The following ACTR3C variants were observed in gnomAD, a reference collection of about 807,000 sequenced individuals.
The protein encoded by ACTR3C is actin related protein 3C, also known as actin-related protein 3C.
ACTR3C carries 18 observed loss-of-function variants against 26.3 expected under a neutral mutation model. That is an observed-to-expected ratio of 0.68 (90% CI 0.47 to 1.01). The LOEUF is 1.01. ACTR3C is among the 50% of genes least tolerant of loss of function. The probability of loss-of-function intolerance (pLI) is 0.00; values close to 1 mark genes in which losing one functional copy is unlikely to be tolerated. For synonymous variants in ACTR3C, 55 were observed against 94.5 expected, an observed-to-expected ratio of 0.58 and a Z score of 2.42; for missense variants, 184 against 250.7, an observed-to-expected ratio of 0.73 and a Z score of 1.80.
chr7:150,070,042 T>C, the ACTR3C span, among the ~76,000 whole-genome samples: 1 of 152,112 alleles, frequency 6.6e-6, no homozygotes, highest in Non-Finnish European at 1.5e-5. Context: ...GAGGTCCAGG[T>C]CTGTCACGTG....
intron 3 of ACTR3C, among the ~76,000 whole-genome samples, chr7:150,291,730 C>A (rs1016596437): frequency 2.6e-5 from 4 of 151,784 alleles, no homozygotes; most frequent in African/African-American, 9.7e-5. Flanking sequence ...CTACGGGGGC[C>A]TCATCTTGGA....
chr7:149,891,458 A>T, the ACTR3C span: 3 of 554,554 alleles, frequency 5.4e-6, no homozygotes, highest in Admixed American at 3.5e-5. Context: ...GCATTTGGAA[A>T]AAAAAGATTA....
chr7:150,041,557 C>A, the ACTR3C span: 1 of 194,548 alleles, frequency 5.1e-6, no homozygotes, highest in East Asian at 2.0e-4. Flanking sequence ...GGGGGTGCCT[C>A]CCCCCTCTGC....
the ACTR3C span, among the ~76,000 whole-genome samples, chr7:149,887,474 C>T: frequency 2.6e-5 from 4 of 152,222 alleles, no homozygotes; most frequent in East Asian, 1.9e-4. Flanking sequence ...CTCCCATACA[C>T]GCCAGGCGCC....
At chr7:150,026,297 A>C in the ACTR3C span, among the ~76,000 whole-genome samples, 1 of 152,044 alleles carries the variant, frequency 6.6e-6, no homozygotes, top group Non-Finnish European at 1.5e-5. Flanking sequence ...TCAGCAAAAA[A>C]CAAATAAAAT....
chr7:150,255,600 A>G (rs1264996280), intron 6 of ACTR3C, among the ~76,000 whole-genome samples: 3 of 152,186 alleles, frequency 2.0e-5, no homozygotes, highest in African/African-American at 7.2e-5. Flanking sequence ...TAAAAAATGA[A>G]CAGTGAAGAG....
chr7:150,314,219 G>C (rs947652676), intron 1 of ACTR3C, among the ~76,000 whole-genome samples: 4 of 152,216 alleles, frequency 2.6e-5, no homozygotes, highest in African/African-American at 9.7e-5. Context: ...TCTGGGATCA[G>C]TGACTTTATG....
chr7:149,883,551 C>T, the ACTR3C span, among the ~76,000 whole-genome samples: 1 of 152,118 alleles, frequency 6.6e-6, no homozygotes, highest in African/African-American at 2.4e-5. Flanking sequence ...TAAAGGTAAC[C>T]AAGAAAAGTT....
chr7:149,983,126 A>ATTAATG, the ACTR3C span, among the ~76,000 whole-genome samples: 1 of 151,928 alleles, frequency 6.6e-6, no homozygotes, highest in African/African-American at 2.4e-5. Flanking sequence ...AACTCAAAAT[A>ATTAATG]TATTAAAGAC....
At chr7:149,922,910 G>T in the ACTR3C span, among the ~76,000 whole-genome samples, 1 of 130,956 alleles carries the variant, frequency 7.6e-6, no homozygotes, top group African/African-American at 2.8e-5. Context: ...AACATGAAAA[G>T]AATGCACATA....
At chr7:150,149,314 C>G in the ACTR3C span, among the ~76,000 whole-genome samples, 2 of 151,802 alleles carry the variant, frequency 1.3e-5, no homozygotes, top group African/African-American at 4.8e-5. Flanking sequence ...CCCACCTCCA[C>G]TTGAAAAGAT....
At chr7:150,159,607 A>G in the ACTR3C span, among the ~76,000 whole-genome samples, 2 of 152,236 alleles carry the variant, frequency 1.3e-5, no homozygotes, top group Middle Eastern at 6.8e-3. Flanking sequence ...CCCCGCCAAA[A>G]CCTCAGATAA....
At chr7:150,190,753 G>A in the ACTR3C span, among the ~76,000 whole-genome samples, 1 of 152,128 alleles carries the variant, frequency 6.6e-6, no homozygotes, top group Non-Finnish European at 1.5e-5. Flanking sequence ...ACATACCCAG[G>A]ACTGGGTAAT....
the ACTR3C span, among the ~76,000 whole-genome samples, chr7:149,949,411 GA>G: frequency 2.1e-5 from 3 of 145,660 alleles, no homozygotes; most frequent in Non-Finnish European, 4.4e-5. Context: ...AGGAAGGAAG[GA>G]AGGAAGGAAG....
At chr7:149,901,233 A>G in the ACTR3C span, among the ~76,000 whole-genome samples, 2 of 152,228 alleles carry the variant, frequency 1.3e-5, no homozygotes, top group African/African-American at 4.8e-5. Context: ...ATAGCACCAG[A>G]GAGATCTTGG....
chr7:150,319,896 G>A (rs547700853), intron 1 of ACTR3C, among the ~76,000 whole-genome samples: 3 of 152,184 alleles, frequency 2.0e-5, no homozygotes, highest in African/African-American at 4.8e-5. Flanking sequence ...CTAGCAAAAC[G>A]AGATGATTTT....
the ACTR3C span, among the ~76,000 whole-genome samples, chr7:149,986,980 G>A: frequency 7.1e-6 from 1 of 141,598 alleles, no homozygotes; most frequent in African/African-American, 2.7e-5. Flanking sequence ...TGAGGCTACT[G>A]CCTTGAAGCC....
chr7:150,266,187 G>A (rs1834023893), intron 6 of ACTR3C, among the ~76,000 whole-genome samples: 1 of 146,586 alleles, frequency 6.8e-6, no homozygotes, highest in Non-Finnish European at 1.5e-5. Flanking sequence ...TATAATACTT[G>A]AGAAGTATTA....
intron 6 of ACTR3C, among the ~76,000 whole-genome samples, chr7:150,275,604 C>T (rs1216450406): frequency 1.3e-5 from 2 of 151,602 alleles, no homozygotes; most frequent in Non-Finnish European, 2.9e-5. Flanking sequence ...CCAGCTACTT[C>T]GGAGGCTGAG....
Sources: allele counts gnomAD v4.1 joint callset (sites outside exome capture counted in the v4.1 genomes callset), GRCh38; gene constraint gnomAD v4.1.1; transcripts MANE v1.5; gene names NCBI Gene and HGNC (gene_info 2026-07-23, HGNC 2026-07-21).